Variants in MMRN1 observed in about 807,000 individuals in gnomAD.
MMRN1 encodes multimerin-1.
A neutral mutation model predicts 100.7 loss-of-function variants in MMRN1; 94 were observed. The observed-to-expected ratio is 0.93, with a 90% CI of 0.79 to 1.11. The LOEUF (loss-of-function observed/expected upper bound fraction) is 1.11. Ranked by LOEUF, MMRN1 falls within the 50% of genes least tolerant of loss-of-function variation. The pLI is 0.00. For synonymous variants in MMRN1, 575 were observed against 505.0 expected (o/e 1.14, Z -1.86); for missense variants, 1,606 against 1,439.1 (o/e 1.12, Z -1.88).
chr4:89,927,272 C>A (rs1030308368), intron 4 of MMRN1, among the ~76,000 whole-genome samples: 1 of 151,720 alleles, frequency 6.6e-6, no homozygotes, highest in Non-Finnish European at 1.5e-5. Context: ...TTCATGAACA[C>A]GGCATATCTT....
Position 89,895,000 on chromosome 4 carries a change from T to G in MMRN1, c.29T>G (p.Leu10Arg), listed in dbSNP as rs1307528496. Residue 10 changes from leucine to arginine, a missense_variant, in exon 1 of 8, where the codon CTT becomes CGT. By Grantham distance (102) the Leu-to-Arg change is moderately radical (BLOSUM62 -2). Transcript: ENST00000264790. ...AAGGGGGCAAGATTATTTGTCCTTC[T>G]TTCTAGTTTATGGAGTGGGGGCATT... is the stretch of plus-strand genomic sequence containing the variant. MKGARLFVL[L>R]SSLWSGGIGL... 6.2e-7 allele frequency: 1 copy of G among 1,612,562 alleles called. No homozygotes were observed. The highest frequency in any genetic ancestry group is 1.3e-5 in the African/African-American group (1 of 74,852).
chr4:89,882,202 A>G (rs1176228357), intron 1 of MMRN1, among the ~76,000 whole-genome samples: 1 of 151,714 alleles, frequency 6.6e-6, no homozygotes, highest in African/African-American at 2.4e-5. Context: ...TTGGATTGCT[A>G]TTCAACTACT....
chr4:89,890,727 G>T (rs77970141), upstream of MMRN1, among the ~76,000 whole-genome samples: 6,800 of 152,108 alleles, frequency 0.045, 205 homozygotes, highest in African/African-American at 0.079. Context: ...ACTGTTCTGC[G>T]TAAATGGGAA....
intron 1 of MMRN1, among the ~76,000 whole-genome samples, chr4:89,882,693 T>C (rs920016364): frequency 1.3e-5 from 2 of 151,982 alleles, no homozygotes; most frequent in Non-Finnish European, 2.9e-5. Flanking sequence ...ATGAATACAA[T>C]GATAGGAAGA....
chr4:89,946,848 G>A (rs77311923), intron 6 of MMRN1, among the ~76,000 whole-genome samples: 4,381 of 152,188 alleles, frequency 0.029, 146 homozygotes, highest in African/African-American at 0.077. Flanking sequence ...TATCAGTTAT[G>A]CTACTTGCAC....
chr4:89,894,267 T>C (rs958649251), upstream of MMRN1, among the ~76,000 whole-genome samples: 1 of 152,186 alleles, frequency 6.6e-6, no homozygotes, highest in African/African-American at 2.4e-5. Context: ...CAATTACTTA[T>C]GCTTTCCTTT....
At chr4:89,927,231 A>G (rs985435485) in intron 4 of MMRN1, among the ~76,000 whole-genome samples, 1 of 151,950 alleles carries the variant, frequency 6.6e-6, no homozygotes, top group African/African-American at 2.4e-5. Flanking sequence ...TTTGGATAGT[A>G]TGGACATTTT....
chr4:89,903,309 T>C (rs1200849875), intron 1 of MMRN1, among the ~76,000 whole-genome samples: 1 of 151,780 alleles, frequency 6.6e-6, no homozygotes, highest in African/African-American at 2.4e-5. Flanking sequence ...ACTTTGGAAG[T>C]ATTTATGTTC....
At chr4:89,939,851 G>T (rs1722768802) in intron 6 of MMRN1, among the ~76,000 whole-genome samples, 1 of 152,168 alleles carries the variant, frequency 6.6e-6, no homozygotes, top group Non-Finnish European at 1.5e-5. Context: ...TGCACATGAG[G>T]AAGTAGAGGT....
intron 1 of MMRN1, 60 bp from the exon 2 acceptor site, chr4:89,909,216 T>C: frequency 6.5e-7 from 1 of 1,527,124 alleles, no homozygotes; most frequent in Non-Finnish European, 8.9e-7. Flanking sequence ...AAAATAATTT[T>C]GATGAAAAGA....
intron 1 of MMRN1, among the ~76,000 whole-genome samples, chr4:89,880,403 CAA>C (rs559930000): frequency 9.5e-4 from 144 of 152,156 alleles, no homozygotes; most frequent in African/African-American, 3.3e-3. Flanking sequence ...AATCAGTGCA[CAA>C]AGAGTTAACC....
chr4:89,931,665 C>T (rs747870141), intron 5 of MMRN1, among the ~76,000 whole-genome samples: 34 of 152,244 alleles, frequency 2.2e-4, no homozygotes, highest in South Asian at 6.2e-4. Flanking sequence ...AGCAAAGCCA[C>T]GTCTTACATG....
At chr4:89,891,447 C>A (rs1721052347), upstream of MMRN1, among the ~76,000 whole-genome samples, 1 of 152,066 alleles carries the variant, frequency 6.6e-6, no homozygotes, top group Admixed American at 6.6e-5. Flanking sequence ...CTAACAATTA[C>A]TAATGTGTTA....
chr4:89,949,788 A>G (rs980152942), intron 6 of MMRN1, among the ~76,000 whole-genome samples: 12 of 152,252 alleles, frequency 7.9e-5, no homozygotes, highest in African/African-American at 2.9e-4. Context: ...TTAATAATAC[A>G]GGCATGCCGT....
At chr4:89,939,054 G>A (rs1722742885) in intron 6 of MMRN1, among the ~76,000 whole-genome samples, 1 of 152,046 alleles carries the variant, frequency 6.6e-6, no homozygotes, top group Admixed American at 6.6e-5. Flanking sequence ...AGCTCAGCAG[G>A]CAAGGTCTAT....
upstream of MMRN1, chr4:89,894,764 A>G: frequency 1.3e-6 from 1 of 767,788 alleles, no homozygotes; most frequent in South Asian, 2.5e-5. Context: ...GAGCCATCCC[A>G]CTAGAGGTCA....
At chr4:89,886,134 G>C (rs1009314493) in intron 1 of MMRN1, among the ~76,000 whole-genome samples, 1 of 147,310 alleles carries the variant, frequency 6.8e-6, no homozygotes, top group Non-Finnish European at 1.5e-5. Context: ...CAGACAATCC[G>C]CCTGCCTCAG....
intron 6 of MMRN1, among the ~76,000 whole-genome samples, chr4:89,938,889 G>A (rs1033262707): frequency 6.6e-6 from 1 of 151,906 alleles, no homozygotes; most frequent in African/African-American, 2.4e-5. Context: ...AAGATATACT[G>A]ACCTAATTCC....
At chr4:89,899,886 C>G (rs1309771974) in intron 1 of MMRN1, among the ~76,000 whole-genome samples, 4 of 151,936 alleles carry the variant, frequency 2.6e-5, no homozygotes, top group Non-Finnish European at 5.9e-5. Context: ...CTTCTTTCCA[C>G]TCTTGTCTAC....
Sources: allele counts gnomAD v4.1 joint callset (sites outside exome capture counted in the v4.1 genomes callset), GRCh38; gene constraint gnomAD v4.1.1; transcripts MANE v1.5; gene names NCBI Gene and HGNC (gene_info 2026-07-23, HGNC 2026-07-21).